Variants in BCAS3 observed in about 807,000 individuals in gnomAD.
BCAS3 encodes the protein BCAS3 microtubule associated cell migration factor.
BCAS3 carries 53 observed loss-of-function variants against 116.1 expected under a neutral mutation model. That is an observed-to-expected ratio of 0.46 (90% CI 0.37 to 0.57). The LOEUF (loss-of-function observed/expected upper bound fraction) is 0.57. Among genes scored for constraint, BCAS3 ranks in the 20% least tolerant of loss-of-function variants. The pLI, the probability that BCAS3 is intolerant of heterozygous loss-of-function variation, is 0.00. For missense variants in BCAS3, 917 were observed against 1,165.4 expected, an observed-to-expected ratio of 0.79 and a Z score of 3.10; for synonymous variants, 391 against 408.2, an observed-to-expected ratio of 0.96 and a Z score of 0.51.
rs1410271879 is a variant in BCAS3 at position 61,222,659 on chromosome 17, A to AC, written c.2425+138096dup. Reference sequence around the variant, plus strand: ...TATTGTTGATTGGGTGATTTATGTCACGTGGTATATGGGTTTTTTTTGTTT... The same window carrying AC: ...TATTGTTGATTGGGTGATTTATGTCACCGTGGTATATGGGTTTTTTTTGTTT... On this transcript the variant is annotated intron_variant, in intron 22 of 23. Coordinates refer to ENST00000407086, the MANE Select transcript of BCAS3 (RefSeq NM_017679.5). The surrounding 1 kb of genome is among the most constrained non-coding windows in gnomAD (Gnocchi z 6.1). Among the ~76,000 whole-genome samples, 1 of 151,988 alleles carries AC rather than the reference A, an allele frequency of 6.6e-6. No homozygotes were observed. Among genetic ancestry groups the AC allele is most frequent in the Non-Finnish European group, 1.5e-5 (1 of 68,010 alleles).
rs1198359570 is a variant in BCAS3, at chr17:61,180,544, C to T, written c.2425+95980C>T. On this transcript the variant is annotated intron_variant, in intron 22 of 23. Coordinates refer to ENST00000407086, the MANE Select transcript of BCAS3 (RefSeq NM_017679.5). This position sits in a 1 kb window ranked among gnomAD's most constrained non-coding sequence, Gnocchi z 6.0. ...AGTAGACTGCACATCCAGACTTGAC[C>T]GTCAGGTCACCTGAAGGACAGGTTC... Among the ~76,000 whole-genome samples, 1 of 152,212 alleles carries T rather than the reference C, an allele frequency of 6.6e-6. No homozygotes were observed. The highest frequency in any genetic ancestry group is 1.5e-5 in the Non-Finnish European group (1 of 68,034).
At chr17:60,877,595 T>C (rs2055732897) in intron 9 of BCAS3, among the ~76,000 whole-genome samples, 1 of 152,252 alleles carries the variant, frequency 6.6e-6, no homozygotes, top group Admixed American at 6.5e-5. Context: ...AAACAAGTTT[T>C]GTTAAAGCAT....
chr17:61,310,309 T>C (rs952029909), intron 22 of BCAS3, among the ~76,000 whole-genome samples: 1 of 152,172 alleles, frequency 6.6e-6, no homozygotes, highest in Non-Finnish European at 1.5e-5. Flanking sequence ...ATCCCAGCAC[T>C]CTGGGAGGCC....
chr17:60,975,867 GAAACTT>G (rs1175323429), intron 14 of BCAS3, among the ~76,000 whole-genome samples: 5 of 151,954 alleles, frequency 3.3e-5, no homozygotes, highest in Non-Finnish European at 7.4e-5. Flanking sequence ...ATATGCATCA[GAAACTT>G]CATTCCTATT....
chr17:60,910,740 T>C, intron 12 of BCAS3, 38 bp downstream of exon 12: 10 of 1,530,858 alleles, frequency 6.5e-6, no homozygotes, highest in Non-Finnish European at 8.0e-6. Context: ...GTGTGTTACT[T>C]GCAAAGATGG....
intron 5 of BCAS3, among the ~76,000 whole-genome samples, chr17:60,728,129 TC>T (rs2040094214): frequency 1.3e-5 from 2 of 151,996 alleles, no homozygotes; most frequent in Admixed American, 1.3e-4. Context: ...TGGTATACTT[TC>T]TATGTGTTTT....
chr17:61,365,022 C>T lies in BCAS3; in HGVS notation c.2426-3305C>T, dbSNP rs1170052866. Among the ~76,000 whole-genome samples, 1 of 152,208 alleles carries T rather than the reference C, an allele frequency of 6.6e-6. No individual in the cohort carries two copies. Among genetic ancestry groups the T allele is most frequent in the African/African-American group, 2.4e-5 (1 of 41,452 alleles). On this transcript the variant is annotated intron_variant, in intron 22 of 23. Transcript: ENST00000407086. The surrounding 1 kb of genome is among the most constrained non-coding windows in gnomAD (Gnocchi z 4.6). ...ACACCTATTACATACAGAACACTCA[C>T]TGTGTGTCAGGTCTTTTACATTTAT...
rs1051868752 is a variant in BCAS3, at chr17:61,352,608, G to C, written c.2426-15719G>C. On this transcript the variant is annotated intron_variant, in intron 22 of 23. Transcript: ENST00000407086. This position sits in a 1 kb window ranked among gnomAD's most constrained non-coding sequence, Gnocchi z 4.7. Reference sequence around the variant, plus strand: ...AGCCTCGGAATCTCTTTACCCGTAGGCGCCACACTTGGCACACAATGAGTC... The same window carrying C: ...AGCCTCGGAATCTCTTTACCCGTAGCCGCCACACTTGGCACACAATGAGTC... Among the ~76,000 whole-genome samples, 1 of 152,170 alleles carries C rather than the reference G, an allele frequency of 6.6e-6. No homozygotes were observed. Among genetic ancestry groups the C allele is most frequent in the African/African-American group, 2.4e-5 (1 of 41,430 alleles).
intron 14 of BCAS3, among the ~76,000 whole-genome samples, chr17:60,981,701 T>C (rs2062825990): frequency 6.6e-6 from 1 of 152,228 alleles, no homozygotes; most frequent in Admixed American, 6.5e-5. Flanking sequence ...GCTTATTAAG[T>C]GCTAGGCACT....
At chr17:61,369,604 G>A (rs1269161338) in intron 23 of BCAS3, among the ~76,000 whole-genome samples, 1 of 152,160 alleles carries the variant, frequency 6.6e-6, no homozygotes, top group Admixed American at 6.5e-5. Context: ...TCCCCATGCC[G>A]GTCCCTCCGT....
chr17:60,857,357 C>G (rs2053769207), intron 7 of BCAS3, among the ~76,000 whole-genome samples: 1 of 152,158 alleles, frequency 6.6e-6, no homozygotes, highest in Non-Finnish European at 1.5e-5. Context: ...GAACTTCCCC[C>G]CACTTTATGC....
Position 61,243,279 on chromosome 17 carries a change from A to T in BCAS3, c.2426-125048A>T, listed in dbSNP as rs1371522097. On this transcript the variant is annotated intron_variant, in intron 22 of 23. Transcript: ENST00000407086. The surrounding 1 kb of genome is among the most constrained non-coding windows in gnomAD (Gnocchi z 5.6). Reference sequence around the variant, plus strand: ...GTATATACCTATCCATCACCTCCAAAAGTTACCTGCTGCTCTGGCAGAATC... The same window carrying T: ...GTATATACCTATCCATCACCTCCAATAGTTACCTGCTGCTCTGGCAGAATC... Among the ~76,000 whole-genome samples the T allele has an allele frequency of 1.3e-5, 2 of 152,148 alleles. No homozygotes were observed. Among genetic ancestry groups the T allele is most frequent in the African/African-American group, 4.8e-5 (2 of 41,434 alleles).
chr17:60,781,513 C>T (rs948547241), intron 6 of BCAS3, among the ~76,000 whole-genome samples: 2 of 152,058 alleles, frequency 1.3e-5, no homozygotes, highest in African/African-American at 4.8e-5. Flanking sequence ...GCACGAGAAT[C>T]TCTTGAAGTC....
intron 14 of BCAS3, among the ~76,000 whole-genome samples, chr17:60,970,381 CA>C: frequency 6.6e-6 from 1 of 151,838 alleles, no homozygotes; most frequent in East Asian, 1.9e-4. Flanking sequence ...AATGGTATAT[CA>C]AAATTCAACC....
At chr17:60,680,289 A>C (rs1338959483) in intron 2 of BCAS3, among the ~76,000 whole-genome samples, 3 of 152,182 alleles carry the variant, frequency 2.0e-5, no homozygotes, top group Non-Finnish European at 4.4e-5. Flanking sequence ...ATCTCTTTTA[A>C]CTTTTAAGTT....
At chr17:60,761,922 A>G (rs2043581476) in intron 6 of BCAS3, among the ~76,000 whole-genome samples, 1 of 151,542 alleles carries the variant, frequency 6.6e-6, no homozygotes, top group African/African-American at 2.4e-5. Context: ...ATGGTATCTC[A>G]TTGTGGTTTT....
At position 60,740,509 on chromosome 17, in the gene BCAS3, AAAAAAAG is replaced by A. The variant is rs2041439971; in HGVS notation, c.322-6675_322-6669del. Among the ~76,000 whole-genome samples the A allele has an allele frequency of 9.9e-5, 15 of 151,728 alleles. No individual in the cohort carries two copies. The South Asian group carries it at 3.1e-3, about 32-fold the overall frequency. ...GTGAGACCCTGTCTCAAAAAAAAAA[AAAAAAAG>A]AAAAAAGAAAAAAAAGGAGGATATG... is the stretch of plus-strand genomic sequence containing the variant. On this transcript the variant is annotated intron_variant, in intron 5 of 23. Coordinates refer to ENST00000407086, the MANE Select transcript of BCAS3 (RefSeq NM_017679.5).
In BCAS3 at chr17:61,364,119, T is replaced by G. The variant is rs1459319009; in HGVS notation, c.2426-4208T>G. ...TAGCAGGATAAGCAGGACCACTGAT[T>G]GTATCCTCTCTATGACGTCTCAGGA... On this transcript the variant is annotated intron_variant, in intron 22 of 23. Transcript: ENST00000407086. This position sits in a 1 kb window ranked among gnomAD's most constrained non-coding sequence, Gnocchi z 5.4. Among the ~76,000 whole-genome samples, 1 of 152,206 alleles carries G rather than the reference T, an allele frequency of 6.6e-6. No individual in the cohort carries two copies. The highest frequency in any genetic ancestry group is 1.5e-5 in the Non-Finnish European group (1 of 68,040).
In BCAS3 at chr17:61,256,325, G is replaced by T. The variant is rs1486992592; in HGVS notation, c.2426-112002G>T. 6.6e-6 allele frequency among the ~76,000 whole-genome samples: 1 copy of T among 151,404 alleles called. No homozygotes were observed. Among genetic ancestry groups the T allele is most frequent in the Admixed American group, 6.6e-5 (1 of 15,156 alleles). Reference sequence around the variant, plus strand: ...TTTTATTTTATTTTTATTTTTTGAGGCAGAGTTTCACTCTCTCGCCCAGGC... The same window carrying T: ...TTTTATTTTATTTTTATTTTTTGAGTCAGAGTTTCACTCTCTCGCCCAGGC... On this transcript the variant is annotated intron_variant, in intron 22 of 23. Coordinates refer to ENST00000407086, the MANE Select transcript of BCAS3 (RefSeq NM_017679.5). This position sits in a 1 kb window ranked among gnomAD's most constrained non-coding sequence, Gnocchi z 5.6.
Sources: gnomAD v4.1 joint callset for allele counts (sites outside exome capture counted in the v4.1 genomes callset) on GRCh38, gnomAD v4.1.1 for gene constraint, Gnocchi (gnomAD v3.1) non-coding constraint, MANE v1.5 for transcripts, NCBI Gene and HGNC (gene_info 2026-07-23, HGNC 2026-07-21) for gene names.